Variants in PARD3B observed in about 807,000 individuals in gnomAD.
The protein encoded by PARD3B is par-3 family cell polarity regulator beta, also known as partitioning defective 3 homolog B.
PARD3B carries 103 observed loss-of-function variants against 130.2 expected under a neutral mutation model. That is an observed-to-expected ratio of 0.79 (90% CI 0.67 to 0.93). PARD3B has a LOEUF of 0.93. Ranked by LOEUF, PARD3B falls within the 40% of genes least tolerant of loss-of-function variation. The pLI is 0.00. For synonymous variants in PARD3B, 583 were observed against 553.2 expected, an observed-to-expected ratio of 1.05 and a Z score of -0.76; for missense variants, 1,609 against 1,499.2, an observed-to-expected ratio of 1.07 and a Z score of -1.21.
chr2:205,501,148 G>A (rs1203833956), intron 21 of PARD3B, among the ~76,000 whole-genome samples: 5 of 152,112 alleles, frequency 3.3e-5, no homozygotes, highest in Non-Finnish European at 7.4e-5. Flanking sequence ...GTGAAAATCA[G>A]TTTCAGGATC....
At chr2:204,699,021 A>G (rs555578474) in intron 2 of PARD3B, among the ~76,000 whole-genome samples, 3 of 152,262 alleles carry the variant, frequency 2.0e-5, no homozygotes, top group African/African-American at 7.2e-5. Context: ...CAATGGCATG[A>G]GATCATAATG....
rs189824722 is a variant in PARD3B at position 205,555,853 on chromosome 2, A to G, written c.3260+2450A>G. ...ATGGGGATGCTGCATCCCAACATCT[A>G]AAGAGGAGATGCAAAGCTCCCTCCC... On this transcript the variant is annotated intron_variant, in intron 22 of 22. Transcript: ENST00000406610. Among the ~76,000 whole-genome samples, 101 of 152,288 alleles carry G rather than the reference A, an allele frequency of 6.6e-4. 1 individual carries two copies. In the East Asian group the frequency reaches 0.017, roughly 26 times the overall value.
At chr2:205,252,457 T>C (rs2039890203) in intron 16 of PARD3B, among the ~76,000 whole-genome samples, 1 of 152,192 alleles carries the variant, frequency 6.6e-6, no homozygotes, top group African/African-American at 2.4e-5. Flanking sequence ...GAAATATTGC[T>C]TAATTCCATT....
At chr2:204,587,191 G>A (rs1035122949) in intron 1 of PARD3B, among the ~76,000 whole-genome samples, 1 of 152,096 alleles carries the variant, frequency 6.6e-6, no homozygotes, top group Non-Finnish European at 1.5e-5. Context: ...GAGAAGATAT[G>A]ACTTATACAG....
At chr2:205,532,302 T>C (rs1307366423) in intron 21 of PARD3B, among the ~76,000 whole-genome samples, 1 of 152,198 alleles carries the variant, frequency 6.6e-6, no homozygotes, top group Non-Finnish European at 1.5e-5. Flanking sequence ...CTTTGTGTTA[T>C]GTTTAGTCAC....
chr2:205,080,903 G>C (rs1701366737), intron 4 of PARD3B, among the ~76,000 whole-genome samples: 1 of 151,974 alleles, frequency 6.6e-6, no homozygotes, highest in African/African-American at 2.4e-5. Flanking sequence ...TCATATGTTT[G>C]TTGGCCATGT....
rs1262220499 is a variant in PARD3B, at chr2:205,602,607, T to C, written c.3261-12849T>C. Among the ~76,000 whole-genome samples the C allele has an allele frequency of 2.0e-5, 3 of 152,326 alleles. No individual in the cohort carries two copies. The East Asian group carries it at 5.8e-4, about 29-fold the overall frequency. On this transcript the variant is annotated intron_variant, in intron 22 of 22. Transcript: ENST00000406610. ...TCCTGATTCAGTCTTGGGAGGGTTA[T>C]GTGTCCAGGAATTTATCCATTTCTT...
At chr2:205,143,302 C>T (rs1405675955) in intron 10 of PARD3B, among the ~76,000 whole-genome samples, 1 of 152,022 alleles carries the variant, frequency 6.6e-6, no homozygotes, top group Non-Finnish European at 1.5e-5. Flanking sequence ...CTTTCTTTTT[C>T]ATGTATCAGC....
intron 10 of PARD3B, among the ~76,000 whole-genome samples, chr2:205,139,001 G>A (rs2125667296): frequency 6.6e-6 from 1 of 152,288 alleles, no homozygotes; most frequent in South Asian, 2.1e-4. Context: ...AGCTCAGAGG[G>A]AAGTGTGATC....
chr2:204,764,492 T>C lies in PARD3B; in HGVS notation c.222+78210T>C, dbSNP rs2041048638. ...AGCTCGTTTTTTGTTTGAAAGAATTTTACCGAGGACCCACCCTAACTGCCT... is the reference window on the plus strand; with the variant it reads ...AGCTCGTTTTTTGTTTGAAAGAATTCTACCGAGGACCCACCCTAACTGCCT... On this transcript the variant is annotated intron_variant, in intron 2 of 22. Transcript: ENST00000406610. Among the ~76,000 whole-genome samples, 2 of 152,130 alleles carry C rather than the reference T, an allele frequency of 1.3e-5. 1 individual carries two copies. The highest frequency in any genetic ancestry group is 4.1e-4 in the South Asian group (2 of 4,826).
intron 2 of PARD3B, among the ~76,000 whole-genome samples, chr2:204,909,151 C>T (rs989333364): frequency 2.0e-5 from 3 of 152,062 alleles, no homozygotes; most frequent in Non-Finnish European, 4.4e-5. Flanking sequence ...AAAAATAAGG[C>T]CATCGTCATA....
chr2:205,572,068 A>T lies in PARD3B; in HGVS notation c.3260+18665A>T, dbSNP rs2053577929. On this transcript the variant is annotated intron_variant, in intron 22 of 22. Coordinates refer to ENST00000406610, the MANE Select transcript of PARD3B (RefSeq NM_001302769.2). This position sits in a 1 kb window ranked among gnomAD's most constrained non-coding sequence, Gnocchi z 4.2. ...TTGTTCTGAAGTTCTATGAGCATGA[A>T]GGTAGAGAGTTGAGTCTTCATTTAT... Among the ~76,000 whole-genome samples, 1 of 152,194 alleles carries T rather than the reference A, an allele frequency of 6.6e-6. No individual in the cohort carries two copies. Among genetic ancestry groups the T allele is most frequent in the Non-Finnish European group, 1.5e-5 (1 of 68,036 alleles).
intron 1 of PARD3B, among the ~76,000 whole-genome samples, chr2:204,596,479 G>A (rs187340460): frequency 1.3e-5 from 2 of 152,242 alleles, no homozygotes; most frequent in Admixed American, 1.3e-4. Context: ...TGACTTCAGG[G>A]TTCAAGGGTG....
chr2:205,185,277 T>C (rs1574320934), intron 13 of PARD3B, among the ~76,000 whole-genome samples: 2 of 152,126 alleles, frequency 1.3e-5, no homozygotes, highest in African/African-American at 4.8e-5. Flanking sequence ...TGTGTGTGTG[T>C]GTGTGTTTAT....
intron 19 of PARD3B, among the ~76,000 whole-genome samples, chr2:205,411,773 G>A (rs1191010961): frequency 6.6e-6 from 1 of 152,034 alleles, no homozygotes; most frequent in African/African-American, 2.4e-5. Context: ...ATTTTTTATT[G>A]ATCGCCGGTT....
intron 2 of PARD3B, among the ~76,000 whole-genome samples, chr2:204,711,208 A>C (rs1204726940): frequency 2.0e-5 from 3 of 152,212 alleles, no homozygotes; most frequent in African/African-American, 4.8e-5. Context: ...GTATTGAGAC[A>C]GCCACTTAAG....
intron 5 of PARD3B, among the ~76,000 whole-genome samples, chr2:205,106,593 A>G (rs774863565): frequency 6.6e-6 from 1 of 151,792 alleles, no homozygotes; most frequent in Non-Finnish European, 1.5e-5. Flanking sequence ...TAGGTTAAGG[A>G]ACTACAATTC....
At chr2:204,550,552 G>A (rs539834321) in intron 1 of PARD3B, among the ~76,000 whole-genome samples, 13 of 152,206 alleles carry the variant, frequency 8.5e-5, no homozygotes, top group East Asian at 1.9e-4. Flanking sequence ...CATTGAATTC[G>A]TGGAATAGCA....
At chr2:205,004,373 G>A (rs542768402) in intron 3 of PARD3B, among the ~76,000 whole-genome samples, 1 of 152,090 alleles carries the variant, frequency 6.6e-6, no homozygotes, top group Non-Finnish European at 1.5e-5. Flanking sequence ...AGAAGACCAG[G>A]TATTATTTTT....
Sources: allele counts gnomAD v4.1 joint callset (sites outside exome capture counted in the v4.1 genomes callset), GRCh38; gene constraint gnomAD v4.1.1; non-coding constraint Gnocchi (gnomAD v3.1); transcripts MANE v1.5; gene names NCBI Gene and HGNC (gene_info 2026-07-23, HGNC 2026-07-21).